The following PCDHA1 variants were observed in gnomAD, a reference collection of about 807,000 sequenced individuals.
PCDHA1 encodes the protein protocadherin alpha 1, also known as protocadherin alpha-1.
In PCDHA1, 42 loss-of-function variants were observed where a neutral mutation model predicts 61.3. That is an observed-to-expected ratio of 0.69 (90% CI 0.54 to 0.89). PCDHA1 has a LOEUF of 0.89. Among genes scored for constraint, PCDHA1 ranks in the 40% least tolerant of loss-of-function variants. PCDHA1 has a pLI of 0.00. For synonymous variants in PCDHA1, 610 were observed against 553.8 expected, an observed-to-expected ratio of 1.10 and a Z score of -1.43; for missense variants, 1,256 against 1,235.3, an observed-to-expected ratio of 1.02 and a Z score of -0.25.
rs1562279471 is a variant in PCDHA1 at position 140,824,615 on chromosome 5, T to TTTTTTTTTG, written c.2394+35939_2394+35940insGTTTTTTTT. 4.8e-5 allele frequency: 6 copies of TTTTTTTTTG among 126,010 alleles called. No homozygotes were observed. In the East Asian group the frequency reaches 8.2e-4, roughly 17 times the overall value. The allele number at this position is 126,010 out of a possible 1,614,324, so 7.8% of individuals were successfully genotyped here. ...ACATGCACATGCTAATTAAAGTTTT[T>TTTTTTTTTG]TTTTTTTTTTTTTTTTTATTTTCTG... On this transcript the variant is annotated intron_variant, in intron 1 of 3. Transcript: ENST00000504120.
rs547166699 is a variant in PCDHA1 at position 140,982,068 on chromosome 5, TTAGAG to T, written c.2454-401_2454-397del. On this transcript the variant is annotated intron_variant, in intron 2 of 3. Transcript: ENST00000504120. ...AAAATATTTTAGTGTGTTTTCTTCT[TTAGAG>T]TAGAGAACCTAGGAACAAGAGAACC... 3.5e-3 allele frequency among the ~76,000 whole-genome samples: 532 copies of T among 152,340 alleles called. 2 individuals carry two copies. Among genetic ancestry groups the T allele is most frequent in the Non-Finnish European group, 5.4e-3 (369 of 68,028 alleles).
chr5:140,990,729 C>G (rs2097409512), intron 3 of PCDHA1, among the ~76,000 whole-genome samples: 1 of 152,134 alleles, frequency 6.6e-6, no homozygotes, highest in Non-Finnish European at 1.5e-5. Flanking sequence ...CTAGGTATAT[C>G]AACAGCCCTA....
rs1554140265 is a variant in PCDHA1 at position 140,843,611 on chromosome 5, C to T, written c.2394+54927C>T. ...GCAGAGGGTGTGCTCTGGTGAGGGG[C>T]CACCGAAGACGGACCTCATGGCCTT... On this transcript the variant is annotated intron_variant, in intron 1 of 3. Coordinates refer to ENST00000504120, the MANE Select transcript of PCDHA1 (RefSeq NM_018900.4). 7 of 1,595,892 alleles carry T rather than the reference C, an allele frequency of 4.4e-6. 1 individual carries two copies. Among genetic ancestry groups the T allele is most frequent in the Non-Finnish European group, 6.0e-6 (7 of 1,165,418 alleles).
At chr5:140,875,465 T>C (rs1466604223) in intron 1 of PCDHA1, 9 of 1,599,572 alleles carry the variant, frequency 5.6e-6, no homozygotes, top group African/African-American at 1.3e-5. Context: ...AGGCCCTCAT[T>C]TTCTGCAATG....
intron 1 of PCDHA1, chr5:140,856,276 A>C (rs1554148470): frequency 6.3e-7 from 1 of 1,598,372 alleles, no homozygotes; most frequent in Admixed American, 1.7e-5. Context: ...TTCTGGAGGT[A>C]AATCTGCAGA....
At chr5:140,805,234 C>T (rs558765817) in intron 1 of PCDHA1, 19 of 1,368,932 alleles carry the variant, frequency 1.4e-5, no homozygotes, top group Non-Finnish European at 1.8e-5. Flanking sequence ...CTGCTGCATT[C>T]CCCATCTGTA....
intron 1 of PCDHA1, among the ~76,000 whole-genome samples, chr5:140,938,135 A>T (rs926775458): frequency 1.3e-5 from 2 of 152,198 alleles, no homozygotes; most frequent in Non-Finnish European, 2.9e-5. Flanking sequence ...AAATAGAGAT[A>T]GAGTCTCACT....
intron 3 of PCDHA1, among the ~76,000 whole-genome samples, chr5:141,003,811 C>G (rs1490096042): frequency 1.3e-5 from 2 of 152,114 alleles, no homozygotes; most frequent in African/African-American, 4.8e-5. Context: ...AATCTGTAGT[C>G]TGGGAAGGGC....
At chr5:140,858,132 A>G (rs781998170) in intron 1 of PCDHA1, 3 of 1,597,528 alleles carry the variant, frequency 1.9e-6, no homozygotes, top group Non-Finnish European at 2.6e-6. Context: ...GTGGATGTCA[A>G]CGTGTACCTG....
At chr5:140,987,318 A>C (rs148008812) in intron 3 of PCDHA1, among the ~76,000 whole-genome samples, 3,398 of 152,304 alleles carry the variant, frequency 0.022, 70 homozygotes, top group Admixed American at 0.058. Flanking sequence ...TGTACTGTGA[A>C]GTTTTAAGAA....
intron 1 of PCDHA1, chr5:140,867,381 A>C (rs2049925984): frequency 6.6e-6 from 1 of 152,184 alleles, no homozygotes; most frequent in African/African-American, 2.4e-5. Context: ...AATGGAATTA[A>C]CGGTTATAAA....
intron 1 of PCDHA1, among the ~76,000 whole-genome samples, chr5:140,819,269 T>C (rs2150103634): frequency 0.058 from 8,891 of 152,232 alleles, 856 homozygotes; most frequent in African/African-American, 0.2. Context: ...ATAATTTCTA[T>C]AGATAAGAGA....
At chr5:140,969,228 G>A in intron 1 of PCDHA1, 1 of 1,614,176 alleles carries the variant, frequency 6.2e-7, no homozygotes, top group Non-Finnish European at 8.5e-7. Flanking sequence ...GGGCCTTCGG[G>A]AGCCCAAGCA....
At chr5:140,836,794 C>A in intron 1 of PCDHA1, 1 of 1,396,740 alleles carries the variant, frequency 7.2e-7, no homozygotes, top group Non-Finnish European at 9.8e-7. Context: ...TTCAATTGGT[C>A]TCCTTAAATT....
At chr5:140,953,952 C>T (rs1025145135) in intron 1 of PCDHA1, among the ~76,000 whole-genome samples, 1 of 152,084 alleles carries the variant, frequency 6.6e-6, no homozygotes, top group Non-Finnish European at 1.5e-5. Context: ...GCTCCCCCAA[C>T]AGGCCCCAGT....
intron 1 of PCDHA1, chr5:140,851,093 TA>T: frequency 1.5e-6 from 2 of 1,294,092 alleles, no homozygotes; most frequent in Admixed American, 2.9e-5. Flanking sequence ...ATTAAATAGA[TA>T]TTTTTTGGGT....
chr5:140,975,201 A>G (rs1253516142), intron 1 of PCDHA1, among the ~76,000 whole-genome samples: 1 of 152,144 alleles, frequency 6.6e-6, no homozygotes, highest in Non-Finnish European at 1.5e-5. Context: ...CTCCATCTTC[A>G]TGGCTGGCAC....
chr5:140,829,648 G>T, intron 1 of PCDHA1: 1 of 1,612,362 alleles, frequency 6.2e-7, no homozygotes. Context: ...AGGTGTACGC[G>T]CTGCAGCCGC....
At chr5:140,971,692 C>G (rs2096492766) in intron 1 of PCDHA1, among the ~76,000 whole-genome samples, 1 of 152,116 alleles carries the variant, frequency 6.6e-6, no homozygotes, top group South Asian at 2.1e-4. Context: ...TTTGTACTCA[C>G]TAACCACCCT....
Sources: allele counts gnomAD v4.1 joint callset (sites outside exome capture counted in the v4.1 genomes callset), GRCh38; gene constraint gnomAD v4.1.1; transcripts MANE v1.5; gene names NCBI Gene and HGNC (gene_info 2026-07-23, HGNC 2026-07-21).